The following POM121 variants were observed in gnomAD, a reference collection of about 807,000 sequenced individuals.
POM121 encodes the protein POM121 transmembrane nucleoporin, also known as nuclear envelope pore membrane protein POM 121.
Under a neutral mutation model 81.3 loss-of-function variants are expected in POM121, and 32 were observed. That is an observed-to-expected ratio of 0.39 (90% CI 0.30 to 0.53). POM121 has a LOEUF of 0.53. Among genes scored for constraint, POM121 ranks in the 20% least tolerant of loss-of-function variants. The pLI is 0.66. For missense variants in POM121, 1,138 were observed against 1,614.6 expected (o/e 0.70, Z 5.06); for synonymous variants, 514 against 694.2 (o/e 0.74, Z 4.08).
chr7:72,922,157 T>C (rs1794873304), upstream of POM121, among the ~76,000 whole-genome samples: 1 of 152,246 alleles, frequency 6.6e-6, no homozygotes. Flanking sequence ...TATATGTGTA[T>C]GTATATATAT....
downstream of POM121, chr7:72,948,527 CTCTCT>C (rs1314105992): frequency 1.2e-6 from 2 of 1,612,394 alleles, 1 homozygote; most frequent in African/African-American, 2.7e-5. Flanking sequence ...CAGCTTTTTG[CTCTCT>C]TCTTTCTCTT....
downstream of POM121, chr7:72,949,792 C>T: frequency 9.3e-7 from 1 of 1,078,430 alleles, no homozygotes. Context: ...TCATTACCCA[C>T]TGAAAGGCAC....
In POM121 at chr7:72,925,333, G is replaced by T; in HGVS notation, c.212G>T (p.Arg71Leu). 1.3e-6 allele frequency: 2 copies of T among 1,534,384 alleles called. No individual in the cohort carries two copies. Among genetic ancestry groups the T allele is most frequent in the South Asian group, 2.4e-5 (2 of 83,988 alleles). The change falls in exon 1 of 13, where the codon CGC (arginine) becomes CTC (leucine). Residue 71 changes from arginine to leucine, a missense_variant. Coordinates refer to ENST00000434423, the MANE Select transcript of POM121 (RefSeq NM_001387691.1). Reference protein sequence around the residue: ...GATAAWWGLSREPRGSRPLSS... With the variant: ...GATAAWWGLSLEPRGSRPLSS... ...ACCGCGGCCTGGTGGGGACTGAGCCGCGAGCCCCGAGGTTCGCGCCCCTTG... is the reference window on the plus strand; with the variant it reads ...ACCGCGGCCTGGTGGGGACTGAGCCTCGAGCCCCGAGGTTCGCGCCCCTTG...
intron 1 of POM121, among the ~76,000 whole-genome samples, chr7:72,885,857 C>T (rs1189736449): frequency 6.6e-5 from 10 of 151,160 alleles, no homozygotes; most frequent in African/African-American, 2.5e-4. Context: ...TAAAATGTCT[C>T]TGTTTGTCTT....
chr7:72,936,461 T>TA (rs1796516141), intron 5 of POM121, among the ~76,000 whole-genome samples: 1 of 151,874 alleles, frequency 6.6e-6, no homozygotes, highest in African/African-American at 2.4e-5. Flanking sequence ...GTATTTTTAG[T>TA]AGAGACGGGG....
intron 4 of POM121, among the ~76,000 whole-genome samples, chr7:72,918,947 G>A (rs1408263039): frequency 2.6e-5 from 4 of 152,174 alleles, no homozygotes; most frequent in Non-Finnish European, 2.9e-5. Flanking sequence ...ACAGGCACCC[G>A]CCACCACACC....
At chr7:72,903,707 TC>T (rs1792941961) in intron 3 of POM121, among the ~76,000 whole-genome samples, 1 of 152,260 alleles carries the variant, frequency 6.6e-6, no homozygotes, top group African/African-American at 2.4e-5. Flanking sequence ...CCCAGCTCTT[TC>T]CCTCTTTGTG....
At chr7:72,922,210 A>G (rs1447498713), upstream of POM121, among the ~76,000 whole-genome samples, 1 of 152,048 alleles carries the variant, frequency 6.6e-6, no homozygotes, top group Non-Finnish European at 1.5e-5. Flanking sequence ...TTCCCATTCA[A>G]TAGCTTTTTT....
chr7:72,920,305 A>G (rs1349983085), upstream of POM121, among the ~76,000 whole-genome samples: 2 of 148,352 alleles, frequency 1.3e-5, no homozygotes, highest in Non-Finnish European at 3.0e-5. Flanking sequence ...CGATGTCAGG[A>G]TGCCACACAT....
At chr7:72,927,820 C>T (rs1489665025) in intron 3 of POM121, among the ~76,000 whole-genome samples, 1 of 152,184 alleles carries the variant, frequency 6.6e-6, no homozygotes, top group African/African-American at 2.4e-5. Flanking sequence ...ATTTATTGAG[C>T]ACCCACTGTG....
At chr7:72,903,573 A>C (rs1792926805) in intron 3 of POM121, among the ~76,000 whole-genome samples, 1 of 152,080 alleles carries the variant, frequency 6.6e-6, no homozygotes, top group African/African-American at 2.4e-5. Context: ...ATTTTTGCAA[A>C]GTTTGTCTTC....
intron 3 of POM121, among the ~76,000 whole-genome samples, chr7:72,894,187 C>G (rs531149698): frequency 6.6e-6 from 1 of 152,020 alleles, no homozygotes; most frequent in African/African-American, 2.4e-5. Context: ...TGCTTGAACC[C>G]GGGAGGCAGC....
chr7:72,898,231 TA>T (rs1338804671), intron 3 of POM121, among the ~76,000 whole-genome samples: 21 of 152,180 alleles, frequency 1.4e-4, no homozygotes, highest in African/African-American at 5.1e-4. Flanking sequence ...GTGTCAGGTT[TA>T]TTTTTTTCTT....
chr7:72,905,600 T>C (rs1438678044), intron 3 of POM121, among the ~76,000 whole-genome samples: 1 of 152,180 alleles, frequency 6.6e-6, no homozygotes, highest in Non-Finnish European at 1.5e-5. Context: ...CTCAGGAAGC[T>C]GAGGCAGGAA....
chr7:72,925,119 G>C lies in POM121; in HGVS notation c.-3G>C. 1 of 1,383,166 alleles carries C rather than the reference G, an allele frequency of 7.2e-7. No individual in the cohort carries two copies. The highest frequency in any genetic ancestry group is 9.4e-7 in the Non-Finnish European group (1 of 1,069,100). The allele number at this position is 1,383,166 out of a possible 1,614,324, so 85.7% of individuals were successfully genotyped here. ...TAAGTCTCCTCCGCGGCGCGGAGCC[G>C]CGATGTCTCCGGCGGCTGCGGCGGC... is the stretch of plus-strand genomic sequence containing the variant. On this transcript the variant is annotated 5_prime_UTR_variant, in exon 1 of 13. Coordinates refer to ENST00000434423, the MANE Select transcript of POM121 (RefSeq NM_001387691.1).
intron 3 of POM121, among the ~76,000 whole-genome samples, chr7:72,904,521 T>A (rs1234723934): frequency 3.9e-5 from 6 of 152,152 alleles, no homozygotes; most frequent in Non-Finnish European, 7.3e-5. Flanking sequence ...GAAAACACAA[T>A]GCTTTGAGAA....
intron 4 of POM121, among the ~76,000 whole-genome samples, chr7:72,928,855 G>T (rs1388767749): frequency 7.9e-5 from 12 of 152,378 alleles, no homozygotes; most frequent in Middle Eastern, 3.4e-3. Context: ...TCAAAAGTAT[G>T]TGTGGAAAGA....
intron 5 of POM121, among the ~76,000 whole-genome samples, chr7:72,933,825 A>C (rs1341436565): frequency 6.6e-6 from 1 of 152,254 alleles, no homozygotes; most frequent in African/African-American, 2.4e-5. Context: ...CAGGGAGCTG[A>C]CTGAATAACT....
intron 3 of POM121, among the ~76,000 whole-genome samples, chr7:72,902,093 C>T (rs1586095862): frequency 6.7e-6 from 1 of 149,712 alleles, no homozygotes; most frequent in East Asian, 2.0e-4. Context: ...GCTTAGGCAA[C>T]AAGAGTGAAA....
Sources: allele counts gnomAD v4.1 joint callset (sites outside exome capture counted in the v4.1 genomes callset), GRCh38; gene constraint gnomAD v4.1.1; transcripts MANE v1.5; gene names NCBI Gene and HGNC (gene_info 2026-07-23, HGNC 2026-07-21).